Variants in MARCHF1 observed in about 807,000 individuals in gnomAD.
MARCHF1 encodes the protein E3 ubiquitin-protein ligase MARCHF1.
Under a neutral mutation model 54.2 loss-of-function variants are expected in MARCHF1, and 40 were observed. The observed-to-expected ratio is 0.74, with a 90% CI of 0.57 to 0.96. MARCHF1 has a LOEUF of 0.96. Ranked by LOEUF, MARCHF1 falls within the 40% of genes least tolerant of loss-of-function variation. The pLI is 0.00. For missense variants in MARCHF1, 586 were observed against 656.5 expected, an observed-to-expected ratio of 0.89 and a Z score of 1.17; for synonymous variants, 236 against 236.3, an observed-to-expected ratio of 1.00 and a Z score of 0.01.
intron 2 of MARCHF1, among the ~76,000 whole-genome samples, chr4:164,048,139 T>A (rs1203446281): frequency 6.6e-6 from 1 of 152,212 alleles, no homozygotes; most frequent in Non-Finnish European, 1.5e-5. Context: ...CTATTGGATA[T>A]GATATTCCCT....
At chr4:164,191,100 G>A (rs1274948777) in intron 1 of MARCHF1, among the ~76,000 whole-genome samples, 1 of 152,136 alleles carries the variant, frequency 6.6e-6, no homozygotes, top group Non-Finnish European at 1.5e-5. Context: ...GACAGTGATT[G>A]GATCATAATA....
chr4:163,600,420 T>C (rs1242061584), intron 7 of MARCHF1, among the ~76,000 whole-genome samples: 1 of 152,072 alleles, frequency 6.6e-6, no homozygotes, highest in Non-Finnish European at 1.5e-5. Context: ...TTTTCCCAGG[T>C]GAGTGTAACA....
intron 8 of MARCHF1, among the ~76,000 whole-genome samples, chr4:163,575,200 GA>G (rs1739995892): frequency 6.6e-6 from 1 of 151,984 alleles, no homozygotes; most frequent in African/African-American, 2.4e-5. Context: ...TTATTATTTT[GA>G]GATATGTCCC....
At chr4:164,250,633 TTAAA>T (rs1486651965) in intron 1 of MARCHF1, among the ~76,000 whole-genome samples, 1 of 152,138 alleles carries the variant, frequency 6.6e-6, no homozygotes, top group Non-Finnish European at 1.5e-5. Flanking sequence ...CCCAGGTTGA[TTAAA>T]TAAATTATTG....
chr4:163,951,562 A>AGGGAGCAAGGACTACAATCTG (rs1752134709), intron 3 of MARCHF1, among the ~76,000 whole-genome samples: 1 of 152,230 alleles, frequency 6.6e-6, no homozygotes, highest in Admixed American at 6.5e-5. Flanking sequence ...GAAGCCTCCA[A>AGGGAGCAAGGACTACAATCTG]GGGAGCAAGG....
chr4:163,699,431 T>C (rs986027570), intron 5 of MARCHF1, among the ~76,000 whole-genome samples: 4 of 152,214 alleles, frequency 2.6e-5, no homozygotes, highest in African/African-American at 9.7e-5. Flanking sequence ...GGCATTGTCC[T>C]GAAAAAACTG....
rs188707792 is a variant in MARCHF1 at position 163,884,999 on chromosome 4, G to A, written c.-38-30830C>T. 5.2e-3 allele frequency among the ~76,000 whole-genome samples: 791 copies of A among 152,266 alleles called. 4 individuals are homozygous for A. The highest frequency in any genetic ancestry group is 6.6e-3 in the Non-Finnish European group (450 of 68,024). ...ATGGTGACATTTTAGGATAAATTGT[G>A]AAAAGTATTCCATTTAAATTAGTGG... On this transcript the variant is annotated intron_variant, in intron 3 of 9. Transcript: ENST00000514618.
intron 2 of MARCHF1, among the ~76,000 whole-genome samples, chr4:164,106,779 T>TAAA (rs1230772911): frequency 1.3e-4 from 18 of 135,246 alleles, no homozygotes; most frequent in South Asian, 9.7e-4. Flanking sequence ...AAATAAAAAA[T>TAAA]AAAAAAAAAA....
chr4:164,054,953 A>G (rs1486620023), intron 2 of MARCHF1, among the ~76,000 whole-genome samples: 1 of 152,162 alleles, frequency 6.6e-6, no homozygotes, highest in Non-Finnish European at 1.5e-5. Flanking sequence ...AAAGAAAATT[A>G]TTATTTATAC....
intron 1 of MARCHF1, among the ~76,000 whole-genome samples, chr4:164,242,708 G>A (rs1028564199): frequency 5.3e-5 from 8 of 152,084 alleles, no homozygotes; most frequent in African/African-American, 1.9e-4. Context: ...CAAACCAAAG[G>A]CAAATAAGTT....
intron 3 of MARCHF1, among the ~76,000 whole-genome samples, chr4:163,871,406 C>T (rs976592455): frequency 1.3e-5 from 2 of 152,102 alleles, no homozygotes; most frequent in Admixed American, 1.3e-4. Context: ...TAACATTTAC[C>T]TTGTGTTATG....
intron 1 of MARCHF1, among the ~76,000 whole-genome samples, chr4:164,324,626 G>A (rs1735225494): frequency 6.6e-6 from 1 of 151,316 alleles, no homozygotes; most frequent in South Asian, 2.1e-4. Flanking sequence ...AGCAAAGAGT[G>A]AAAAACTTCT....
At chr4:163,987,885 T>G (rs769374054) in intron 3 of MARCHF1, among the ~76,000 whole-genome samples, 1 of 152,284 alleles carries the variant, frequency 6.6e-6, no homozygotes, top group South Asian at 2.1e-4. Flanking sequence ...CCGTAAGAAG[T>G]TGAAAATTAT....
intron 3 of MARCHF1, among the ~76,000 whole-genome samples, chr4:163,890,670 A>AT (rs937716461): frequency 1.3e-5 from 2 of 152,084 alleles, no homozygotes; most frequent in Non-Finnish European, 2.9e-5. Flanking sequence ...TTTAGATTTT[A>AT]TTTTTTTGAT....
At chr4:163,619,590 G>T (rs1248457564) in intron 5 of MARCHF1, among the ~76,000 whole-genome samples, 1 of 151,840 alleles carries the variant, frequency 6.6e-6, no homozygotes, top group East Asian at 1.9e-4. Context: ...GAACTGAGAG[G>T]CTAGGAATCT....
At chr4:163,655,268 C>T (rs1743098143) in intron 5 of MARCHF1, among the ~76,000 whole-genome samples, 1 of 151,402 alleles carries the variant, frequency 6.6e-6, no homozygotes, top group South Asian at 2.1e-4. Context: ...ACTTAATTTT[C>T]TTCTTGAATA....
intron 3 of MARCHF1, among the ~76,000 whole-genome samples, chr4:163,981,275 C>A (rs935373396): frequency 6.6e-6 from 1 of 152,186 alleles, no homozygotes; most frequent in East Asian, 1.9e-4. Context: ...AGTAAGTCCA[C>A]ATCATTTGCC....
intron 2 of MARCHF1, among the ~76,000 whole-genome samples, chr4:163,990,089 G>A (rs1579444187): frequency 6.6e-6 from 1 of 152,048 alleles, no homozygotes; most frequent in East Asian, 1.9e-4. Context: ...TACTGCTGTT[G>A]GCAATAAAGC....
chr4:164,035,132 T>A (rs1353639515), intron 2 of MARCHF1, among the ~76,000 whole-genome samples: 1 of 152,148 alleles, frequency 6.6e-6, no homozygotes, highest in Non-Finnish European at 1.5e-5. Context: ...GAAAATTTAC[T>A]TATATAATTT....
Sources: allele counts gnomAD v4.1 joint callset (sites outside exome capture counted in the v4.1 genomes callset), GRCh38; gene constraint gnomAD v4.1.1; transcripts MANE v1.5; gene names NCBI Gene and HGNC (gene_info 2026-07-23, HGNC 2026-07-21).